The following RPTOR variants were observed in gnomAD, a reference collection of about 807,000 sequenced individuals.
RPTOR encodes regulatory associated protein of MTOR complex 1, also known as regulatory-associated protein of mTOR.
RPTOR carries 21 observed loss-of-function variants against 169.9 expected under a neutral mutation model. That is an observed-to-expected ratio of 0.12 (90% CI 0.09 to 0.18). The LOEUF is 0.18. Ranked by LOEUF, RPTOR falls within the 10% of genes least tolerant of loss-of-function variation. RPTOR has a pLI of 1.00. For missense variants in RPTOR, 1,133 were observed against 1,855.9 expected, an observed-to-expected ratio of 0.61 and a Z score of 7.16; for synonymous variants, 732 against 753.2, an observed-to-expected ratio of 0.97 and a Z score of 0.46.
rs187715863 is a variant in RPTOR, at chr17:80,669,303, G to A, written c.348+25493G>A. ...GGAATCTGTAAGTCACAGAACACCCGGAGTGCTGCCCTTGCTGCATTAATA... is the reference window on the plus strand; with the variant it reads ...GGAATCTGTAAGTCACAGAACACCCAGAGTGCTGCCCTTGCTGCATTAATA... On this transcript the variant is annotated intron_variant, in intron 3 of 33. Coordinates refer to ENST00000306801, the MANE Select transcript of RPTOR (RefSeq NM_020761.3). 2.2e-3 allele frequency among the ~76,000 whole-genome samples: 340 copies of A among 152,374 alleles called. 1 individual carries two copies. Among genetic ancestry groups the A allele is most frequent in the African/African-American group, 7.6e-3 (318 of 41,592 alleles).
intron 9 of RPTOR, among the ~76,000 whole-genome samples, chr17:80,833,163 G>A (rs1213515274): frequency 6.6e-6 from 1 of 152,204 alleles, no homozygotes; most frequent in Non-Finnish European, 1.5e-5. Flanking sequence ...ACTTGGACTT[G>A]GACGGTTTTC....
intron 20 of RPTOR, among the ~76,000 whole-genome samples, chr17:80,903,233 G>A (rs954404638): frequency 3.3e-5 from 5 of 152,250 alleles, no homozygotes; most frequent in African/African-American, 4.8e-5. Flanking sequence ...CAGCGGCAGA[G>A]CCAGAAGCCC....
intron 23 of RPTOR, among the ~76,000 whole-genome samples, chr17:80,924,691 C>G (rs2068790581): frequency 6.6e-6 from 1 of 152,128 alleles, no homozygotes; most frequent in African/African-American, 2.4e-5. Context: ...GCACCTCTCA[C>G]TGCACCTGCC....
At chr17:80,817,608 G>A (rs2067337462) in intron 7 of RPTOR, among the ~76,000 whole-genome samples, 1 of 152,130 alleles carries the variant, frequency 6.6e-6, no homozygotes, top group South Asian at 2.1e-4. Context: ...GAGTGATGGG[G>A]CAAATGACAG....
intron 5 of RPTOR, among the ~76,000 whole-genome samples, chr17:80,742,412 C>G (rs1442950176): frequency 6.6e-6 from 1 of 151,924 alleles, no homozygotes; most frequent in African/African-American, 2.4e-5. Flanking sequence ...AGGAAGGATG[C>G]AGACGCACAG....
intron 5 of RPTOR, among the ~76,000 whole-genome samples, chr17:80,748,623 G>A (rs1371758760): frequency 1.9e-5 from 2 of 104,024 alleles, no homozygotes; most frequent in Non-Finnish European, 3.9e-5. Flanking sequence ...GGACTGTGGT[G>A]TGTGTTTAGA....
chr17:80,904,391 C>CAG (rs1223060808), intron 20 of RPTOR, among the ~76,000 whole-genome samples: 1 of 152,184 alleles, frequency 6.6e-6, no homozygotes, highest in Admixed American at 6.5e-5. Flanking sequence ...CTGTCACCTG[C>CAG]AGGAAGACTC....
chr17:80,564,585 G>A (rs2084552171), intron 1 of RPTOR, among the ~76,000 whole-genome samples: 1 of 149,438 alleles, frequency 6.7e-6, no homozygotes, highest in African/African-American at 2.5e-5. Context: ...TGTCAGCCAG[G>A]TATTAAGCCT....
At chr17:80,846,440 C>T (rs2067731418) in intron 10 of RPTOR, 33 bp from the exon 11 acceptor site, 2 of 1,600,122 alleles carry the variant, frequency 1.2e-6, no homozygotes, top group East Asian at 2.2e-5. Flanking sequence ...GGGAACATGG[C>T]CCTAACAAGC....
At chr17:80,580,748 G>A (rs1599571658) in intron 1 of RPTOR, among the ~76,000 whole-genome samples, 1 of 152,082 alleles carries the variant, frequency 6.6e-6, no homozygotes, top group Non-Finnish European at 1.5e-5. Context: ...TCAGCCTCCC[G>A]AGTAGCTGGG....
At chr17:80,872,004 C>T (rs933513099) in intron 13 of RPTOR, among the ~76,000 whole-genome samples, 1 of 152,176 alleles carries the variant, frequency 6.6e-6, no homozygotes, top group African/African-American at 2.4e-5. Context: ...TGTCACCTAG[C>T]GTTCCCCCTG....
intron 23 of RPTOR, 36 bp downstream of exon 23, chr17:80,923,709 G>T: frequency 6.6e-7 from 1 of 1,526,208 alleles, no homozygotes; most frequent in Non-Finnish European, 8.8e-7. Context: ...TCTGGACACT[G>T]AGAGCGTTGC....
intron 7 of RPTOR, 35 bp downstream of exon 7, chr17:80,791,544 G>T (rs2067048986): frequency 6.3e-7 from 1 of 1,583,466 alleles, no homozygotes; most frequent in Non-Finnish European, 8.6e-7. Context: ...TGGCTCTCTG[G>T]ATCTGATGAG....
rs1011005734 is a variant in RPTOR at position 80,823,742 on chromosome 17, A to G, written c.1136+519A>G. The G allele has an allele frequency of 2.0e-5, 3 of 153,320 alleles. No individual in the cohort carries two copies. The highest frequency in any genetic ancestry group is 1.3e-4 in the Admixed American group (2 of 15,516). 9.5% of individuals were successfully genotyped at this position (153,320 alleles called of 1,614,324 possible). On this transcript the variant is annotated intron_variant, in intron 9 of 33. Coordinates refer to ENST00000306801, the MANE Select transcript of RPTOR (RefSeq NM_020761.3). The surrounding 1 kb of genome is among the most constrained non-coding windows in gnomAD (Gnocchi z 4.5). The stretch of plus-strand genomic sequence containing the variant: ...AGTTCTCTCCCATTGCTGAGTTGCT[A>G]CTATTTATACAACTCCTATTAGTAG...
At chr17:80,700,370 TA>T (rs34440307) in intron 3 of RPTOR, among the ~76,000 whole-genome samples, 40,071 of 150,668 alleles carry the variant, frequency 0.27, 7,287 homozygotes, top group African/African-American at 0.53. Context: ...AAGAAATAGA[TA>T]AGTGGTGGTG....
At chr17:80,866,874 T>G (rs1231138328) in intron 13 of RPTOR, among the ~76,000 whole-genome samples, 1 of 152,184 alleles carries the variant, frequency 6.6e-6, no homozygotes, top group Non-Finnish European at 1.5e-5. Context: ...TCACTGTGCC[T>G]GTCACTACAA....
At chr17:80,921,422 C>T (rs1198685019) in intron 21 of RPTOR, among the ~76,000 whole-genome samples, 1 of 152,206 alleles carries the variant, frequency 6.6e-6, no homozygotes. Flanking sequence ...CCGCATTCCC[C>T]CCACTGAGCA....
Position 80,662,237 on chromosome 17 carries a change from A to G in RPTOR, c.348+18427A>G, listed in dbSNP as rs1331306018. Among the ~76,000 whole-genome samples, 10 of 152,160 alleles carry G rather than the reference A, an allele frequency of 6.6e-5. No homozygotes were observed. The East Asian group carries it at 1.7e-3, about 26-fold the overall frequency. On this transcript the variant is annotated intron_variant, in intron 3 of 33. Transcript: ENST00000306801. The stretch of plus-strand genomic sequence containing the variant: ...CGAGGCCAGCCGCCTTCTGCCTCCT[A>G]TCACCAGAGGCTAGTTTTGCCCATG...
chr17:80,932,021 C>T (rs929365480), intron 24 of RPTOR, among the ~76,000 whole-genome samples: 3 of 152,050 alleles, frequency 2.0e-5, no homozygotes, highest in African/African-American at 4.8e-5. Flanking sequence ...GAGAGGAATC[C>T]GAAGCTGGCC....
Sources: gnomAD v4.1 joint callset for allele counts (sites outside exome capture counted in the v4.1 genomes callset) on GRCh38, gnomAD v4.1.1 for gene constraint, Gnocchi (gnomAD v3.1) non-coding constraint, MANE v1.5 for transcripts, NCBI Gene and HGNC (gene_info 2026-07-23, HGNC 2026-07-21) for gene names.